FHIT: variants seen among roughly 807,000 people sequenced by gnomAD.
FHIT encodes bis(5'-adenosyl)-triphosphatase.
Under a neutral mutation model 17.9 loss-of-function variants are expected in FHIT, and 19 were observed. The observed-to-expected ratio is 1.06, with a 90% CI of 0.74 to 1.56. FHIT has a LOEUF of 1.56. FHIT is among the 40% of genes most tolerant of loss of function. FHIT has a pLI of 0.00. For synonymous variants in FHIT, 81 were observed against 69.7 expected (o/e 1.16, Z -0.81); for missense variants, 248 against 189.2 (o/e 1.31, Z -1.82).
At position 60,531,507 on chromosome 3, in the gene FHIT, T is replaced by TGACCTCGTGATCCGCC. The variant is rs1243451303; in HGVS notation, c.103+5337_103+5352dup. On this transcript the variant is annotated intron_variant, in intron 5 of 9. Coordinates refer to ENST00000492590, the MANE Select transcript of FHIT (RefSeq NM_002012.4). ...GTTAGCCAGGATGGTCTCGATCTCC[T>TGACCTCGTGATCCGCC]GACCTCGTGATCCGCCCGCCTCGGC... Among the ~76,000 whole-genome samples, 6 of 152,182 alleles carry TGACCTCGTGATCCGCC rather than the reference T, an allele frequency of 3.9e-5. No individual in the cohort carries two copies. In the South Asian group the frequency reaches 1.2e-3, roughly 32 times the overall value.
chr3:61,136,794 A>T (rs913487317), intron 2 of FHIT, among the ~76,000 whole-genome samples: 1 of 152,186 alleles, frequency 6.6e-6, no homozygotes, highest in Non-Finnish European at 1.5e-5. Context: ...CGAATGAAGG[A>T]CTATCATGCT....
At chr3:59,864,231 G>A (rs1702532237) in intron 8 of FHIT, among the ~76,000 whole-genome samples, 1 of 152,130 alleles carries the variant, frequency 6.6e-6, no homozygotes, top group Non-Finnish European at 1.5e-5. Context: ...CACATGCTGT[G>A]GGAGAGACCC....
At chr3:59,973,065 A>C (rs1284060733) in intron 7 of FHIT, among the ~76,000 whole-genome samples, 1 of 151,926 alleles carries the variant, frequency 6.6e-6, no homozygotes, top group African/African-American at 2.4e-5. Flanking sequence ...CTAACTCTTA[A>C]AGTACTTGGT....
At chr3:60,649,962 C>A (rs1372350654) in intron 4 of FHIT, among the ~76,000 whole-genome samples, 4 of 152,156 alleles carry the variant, frequency 2.6e-5, no homozygotes, top group African/African-American at 9.7e-5. Flanking sequence ...TGTTTTCACA[C>A]AAAATTCCGC....
rs542531086 is a variant in FHIT at position 61,204,515 on chromosome 3, T to C, written c.-212-3850A>G. ...ATCGATTCTCTATACAACATTGAAATGGAAGGGAGAAAGAAGCAAAGGAAA... is the reference window on the plus strand; with the variant it reads ...ATCGATTCTCTATACAACATTGAAACGGAAGGGAGAAAGAAGCAAAGGAAA... On this transcript the variant is annotated intron_variant, in intron 1 of 9. Transcript: ENST00000492590. Among the ~76,000 whole-genome samples the C allele has an allele frequency of 5.1e-4, 77 of 151,894 alleles. No individual in the cohort carries two copies. The Middle Eastern group carries it at 0.01, about 20-fold the overall frequency.
chr3:59,918,657 A>G (rs1705257047), intron 8 of FHIT, among the ~76,000 whole-genome samples: 1 of 152,190 alleles, frequency 6.6e-6, no homozygotes, highest in South Asian at 2.1e-4. Context: ...GAAGAGGAGC[A>G]GCCCATGAAA....
At chr3:60,632,236 G>A (rs2107774919) in intron 4 of FHIT, among the ~76,000 whole-genome samples, 1 of 152,262 alleles carries the variant, frequency 6.6e-6, no homozygotes, top group African/African-American at 2.4e-5. Context: ...AAGAGTAAAT[G>A]ATGTATGAGA....
intron 8 of FHIT, among the ~76,000 whole-genome samples, chr3:59,829,885 T>C (rs983092557): frequency 6.6e-6 from 1 of 151,952 alleles, no homozygotes; most frequent in African/African-American, 2.4e-5. Context: ...AAAGAGTTTA[T>C]ATGACAGCCT....
At chr3:60,619,789 T>C (rs774578456) in intron 4 of FHIT, among the ~76,000 whole-genome samples, 2 of 152,102 alleles carry the variant, frequency 1.3e-5, no homozygotes, top group African/African-American at 2.4e-5. Flanking sequence ...ATACCAAAGG[T>C]GCAATCCATG....
At chr3:59,772,710 T>C (rs181290032) in intron 8 of FHIT, among the ~76,000 whole-genome samples, 1 of 152,220 alleles carries the variant, frequency 6.6e-6, no homozygotes, top group Non-Finnish European at 1.5e-5. Context: ...GAGCCTTCTA[T>C]GAACATTAGT....
intron 7 of FHIT, among the ~76,000 whole-genome samples, chr3:59,935,484 C>A (rs2107246133): frequency 6.6e-6 from 1 of 152,250 alleles, no homozygotes; most frequent in South Asian, 2.1e-4. Context: ...CAGCTTTTTA[C>A]CACAAAGTAT....
intron 8 of FHIT, among the ~76,000 whole-genome samples, chr3:59,908,850 T>TTTTTTTTTTTTTTTTTTTTGAGACGG (rs1553712872): frequency 8.6e-4 from 129 of 150,164 alleles, no homozygotes; most frequent in Non-Finnish European, 1.2e-3. Context: ...TTTCATTTTT[T>TTTTTTTTTTTTTTTTTTTTGAGACGG]AATAGTCCAA....
At chr3:60,761,081 G>C (rs1553719710) in intron 4 of FHIT, among the ~76,000 whole-genome samples, 1 of 152,044 alleles carries the variant, frequency 6.6e-6, no homozygotes, top group Non-Finnish European at 1.5e-5. Context: ...CCAGAAGAAG[G>C]GGGAGGGGGG....
rs193271463 is a variant in FHIT at position 60,577,184 on chromosome 3, T to C, written c.-17-40205A>G. On this transcript the variant is annotated intron_variant, in intron 4 of 9. Coordinates refer to ENST00000492590, the MANE Select transcript of FHIT (RefSeq NM_002012.4). ...CATAAACATGAGGTTTGGTACTACA[T>C]GGTTCTGGCCCTCCCAAATTAACAC... Among the ~76,000 whole-genome samples, 302 of 152,284 alleles carry C rather than the reference T, an allele frequency of 2.0e-3. 1 individual carries two copies. The highest frequency in any genetic ancestry group is 2.6e-3 in the Non-Finnish European group (180 of 68,006).
chr3:60,552,972 C>G (rs904864436), intron 4 of FHIT, among the ~76,000 whole-genome samples: 3 of 152,124 alleles, frequency 2.0e-5, no homozygotes, highest in Non-Finnish European at 4.4e-5. Context: ...TACATGGTCC[C>G]GGTCTGAGTG....
At position 61,204,823 on chromosome 3, in the gene FHIT, A is replaced by T. The variant is rs531649203; in HGVS notation, c.-212-4158T>A. The stretch of plus-strand genomic sequence containing the variant: ...GAGAAAGTATTTATATTCTTTTTTT[A>T]AAATTTTATTATTATTATACTTTAA... On this transcript the variant is annotated intron_variant, in intron 1 of 9. Transcript: ENST00000492590. Among the ~76,000 whole-genome samples, 316 of 152,096 alleles carry T rather than the reference A, an allele frequency of 2.1e-3. 1 individual carries two copies. Among genetic ancestry groups the T allele is most frequent in the Admixed American group, 0.01 (158 of 15,284 alleles).
At chr3:60,628,890 C>T (rs2039365451) in intron 4 of FHIT, among the ~76,000 whole-genome samples, 1 of 152,128 alleles carries the variant, frequency 6.6e-6, no homozygotes, top group African/African-American at 2.4e-5. Context: ...AACACCTATA[C>T]TTTCTGAGTA....
intron 5 of FHIT, among the ~76,000 whole-genome samples, chr3:60,165,514 A>C (rs1701134213): frequency 6.6e-6 from 1 of 152,176 alleles, no homozygotes; most frequent in Non-Finnish European, 1.5e-5. Context: ...GTTATTTCCA[A>C]CTTGTTATGG....
chr3:60,701,543 T>C (rs1486672823), intron 4 of FHIT, among the ~76,000 whole-genome samples: 2 of 151,848 alleles, frequency 1.3e-5, no homozygotes, highest in Non-Finnish European at 2.9e-5. Context: ...GCTGTCCTCT[T>C]TTGCTGAGTC....
Sources: allele counts gnomAD v4.1 joint callset (sites outside exome capture counted in the v4.1 genomes callset), GRCh38; gene constraint gnomAD v4.1.1; transcripts MANE v1.5; gene names NCBI Gene and HGNC (gene_info 2026-07-23, HGNC 2026-07-21).